The following STK31 variants were observed in gnomAD, a reference collection of about 807,000 sequenced individuals.
The protein encoded by STK31 is serine/threonine kinase 31, also known as serine/threonine-protein kinase 31.
Under a neutral mutation model 129.7 loss-of-function variants are expected in STK31, and 89 were observed. That is an observed-to-expected ratio of 0.69 (90% CI 0.58 to 0.82). The LOEUF is 0.82. STK31 is among the 40% of genes least tolerant of loss of function. The pLI is 0.00. For synonymous variants in STK31, 448 were observed against 395.3 expected, an observed-to-expected ratio of 1.13 and a Z score of -1.58; for missense variants, 1,187 against 1,176.4, an observed-to-expected ratio of 1.01 and a Z score of -0.13.
chr7:23,804,782 C>G (rs1218422043), intron 22 of STK31, among the ~76,000 whole-genome samples: 1 of 152,152 alleles, frequency 6.6e-6, no homozygotes, highest in Non-Finnish European at 1.5e-5. Flanking sequence ...GTAATAGAGT[C>G]CAATCCATTA....
chr7:23,713,476 A>G (rs1786105283), intron 3 of STK31, among the ~76,000 whole-genome samples: 1 of 152,216 alleles, frequency 6.6e-6, no homozygotes, highest in Middle Eastern at 3.4e-3. Flanking sequence ...TTATAAAAAT[A>G]TTTTTCTTCA....
chr7:23,729,468 A>T (rs967359153), intron 6 of STK31, among the ~76,000 whole-genome samples: 1 of 151,404 alleles, frequency 6.6e-6, no homozygotes, highest in Non-Finnish European at 1.5e-5. Flanking sequence ...ATATGTAAAT[A>T]GTTTCCTTCT....
intron 4 of STK31, chr7:23,721,888 G>A (rs559620725): frequency 9.8e-5 from 42 of 428,456 alleles, no homozygotes; most frequent in South Asian, 9.0e-4. Context: ...GCTTGTGCAT[G>A]CGTCACGTAG....
intron 15 of STK31, among the ~76,000 whole-genome samples, chr7:23,779,165 G>A (rs1042442873): frequency 4.6e-5 from 7 of 152,174 alleles, no homozygotes; most frequent in Non-Finnish European, 5.9e-5. Flanking sequence ...TATCACCAGT[G>A]GAGACTGCAG....
At chr7:23,725,360 A>C (rs1051360877) in intron 4 of STK31, among the ~76,000 whole-genome samples, 1,302 of 81,270 alleles carry the variant, frequency 0.016, 18 homozygotes, top group African/African-American at 0.062. Context: ...ACATAGTGAG[A>C]CCCTGTTTCT....
chr7:23,763,148 G>A (rs976819049), intron 11 of STK31, among the ~76,000 whole-genome samples: 1 of 152,108 alleles, frequency 6.6e-6, no homozygotes, highest in East Asian at 1.9e-4. Flanking sequence ...AATGGCTAGG[G>A]ACTCCAGTAT....
intron 22 of STK31, among the ~76,000 whole-genome samples, chr7:23,800,521 A>G (rs1448134364): frequency 2.6e-5 from 4 of 151,794 alleles, no homozygotes; most frequent in Admixed American, 6.6e-5. Context: ...TCATAAGTGA[A>G]CATGTTCTCA....
In STK31 at chr7:23,786,552, A is replaced by G; in HGVS notation, c.2319A>G (p.Arg773=). 6.2e-7 allele frequency: 1 copy of G among 1,613,716 alleles called. No individual in the cohort carries two copies. Among genetic ancestry groups the G allele is most frequent in the Non-Finnish European group, 8.5e-7 (1 of 1,179,778 alleles). ...DVDTEAKVIE[R]AATYHRAWRE... is the part of the protein sequence containing the mutation. ...ACACAGAAGCCAAGGTGATTGAGAG[A>G]GCAGCCACCTACCATAGAGCTTGGA... The change falls in exon 19 of 24, where the codon AGA becomes AGG. Residue 773 remains arginine, a synonymous_variant. Transcript: ENST00000355870.
intron 23 of STK31, among the ~76,000 whole-genome samples, chr7:23,820,686 A>G (rs1279474319): frequency 6.6e-6 from 1 of 152,060 alleles, no homozygotes. Flanking sequence ...CCTCACCCAC[A>G]TTCTCTTAGT....
chr7:23,717,280 T>C (rs1786401244), intron 3 of STK31, among the ~76,000 whole-genome samples: 1 of 151,814 alleles, frequency 6.6e-6, no homozygotes, highest in Non-Finnish European at 1.5e-5. Flanking sequence ...TTTGAACACA[T>C]TGGGAAGTAA....
In STK31 at chr7:23,828,670, C is replaced by T. The variant is rs1031654916; in HGVS notation, c.2830-3466C>T. On this transcript the variant is annotated intron_variant, in intron 23 of 23. Transcript: ENST00000355870. Reference sequence around the variant, plus strand: ...CTCAGTTGGAAATGCAGAAATCACCCGTCTTCTGCGTCGCTCACGCTGGGA... The same window carrying T: ...CTCAGTTGGAAATGCAGAAATCACCTGTCTTCTGCGTCGCTCACGCTGGGA... Among the ~76,000 whole-genome samples, 29 of 152,190 alleles carry T rather than the reference C, an allele frequency of 1.9e-4. 1 individual carries two copies. Among genetic ancestry groups the T allele is most frequent in the Admixed American group, 1.9e-3 (29 of 15,284 alleles).
At position 23,721,250 on chromosome 7, in the gene STK31, C is replaced by T. The variant is rs535839017; in HGVS notation, c.249+3671C>T. On this transcript the variant is annotated intron_variant, in intron 4 of 23. Coordinates refer to ENST00000355870, the MANE Select transcript of STK31 (RefSeq NM_031414.5). ...ATTCTCTCTCTTAACTCCTAACAAA[C>T]GCTACATTTTCAAGACTAAGGGAAT... 2.0e-3 allele frequency: 977 copies of T among 485,626 alleles called. 5 individuals are homozygous for T. The highest frequency in any genetic ancestry group is 2.9e-3 in the Non-Finnish European group (788 of 269,272). 30.1% of individuals were successfully genotyped at this position (485,626 alleles called of 1,614,324 possible). A position where few individuals can be genotyped will look rare whatever the true frequency, so the allele number is the denominator to read the frequency against.
At chr7:23,822,288 T>C (rs1793830542) in intron 23 of STK31, among the ~76,000 whole-genome samples, 1 of 152,190 alleles carries the variant, frequency 6.6e-6, no homozygotes. Context: ...TTTCCATTTG[T>C]TAGTGTCCTT....
At chr7:23,808,970 T>TGTGTGTGTGTGTGTGCGCGCGC (rs60631283) in intron 22 of STK31, among the ~76,000 whole-genome samples, 1 of 139,556 alleles carries the variant, frequency 7.2e-6, no homozygotes, top group Non-Finnish European at 1.6e-5. Context: ...TGTGTGTGTG[T>TGTGTGTGTGTGTGTGCGCGCGC]GCCTGTGTCT....
intron 10 of STK31, among the ~76,000 whole-genome samples, chr7:23,757,588 C>G (rs1407956466): frequency 1.3e-5 from 2 of 152,176 alleles, no homozygotes; most frequent in East Asian, 3.9e-4. Context: ...CAGCATGTCT[C>G]ACCTCCAGCC....
chr7:23,823,441 G>T, intron 23 of STK31, among the ~76,000 whole-genome samples: 1 of 152,098 alleles, frequency 6.6e-6, no homozygotes, highest in Non-Finnish European at 1.5e-5. Flanking sequence ...TTTTGATGGG[G>T]TTGTTTGTTT....
Position 23,786,559 on chromosome 7 carries a change from AC to A in STK31, c.2328del (p.Tyr777ThrfsTer17). 1 of 1,613,804 alleles carries A rather than the reference AC, an allele frequency of 6.2e-7. No individual in the cohort carries two copies. The highest frequency in any genetic ancestry group is 8.5e-7 in the Non-Finnish European group (1 of 1,179,834). On this transcript the variant is annotated frameshift_variant, in exon 19 of 24. Transcript: ENST00000355870. LOFTEE classifies it high-confidence loss of function. ...TEAKVIERAA[T>X]YHRAWREAEG... The stretch of plus-strand genomic sequence containing the variant: ...AGCCAAGGTGATTGAGAGAGCAGCC[AC>A]CTACCATAGAGCTTGGAGAGAAGCT...
Position 23,752,799 on chromosome 7 carries a change from T to C in STK31, c.1100T>C (p.Leu367Pro). The change falls in exon 9 of 24, where the codon CTG becomes CCG. Residue 367 changes from leucine to proline, a missense_variant. Around this residue, in one of 5 missense-constraint regions of STK31, gnomAD observed 975 missense variants for 934.9 expected, o/e 1.04. Transcript: ENST00000355870. The stretch of plus-strand genomic sequence containing the variant: ...TATATAGATACCAGAATGAAAAATC[T>C]GGCAGCTAAGATGGAAATACTGAAA... ...KTYIDTRMKNLAAKMEILKEM... is the reference protein window; with the variant it reads ...KTYIDTRMKNPAAKMEILKEM... 1.2e-6 allele frequency: 2 copies of C among 1,613,154 alleles called. No individual in the cohort carries two copies. Among genetic ancestry groups the C allele is most frequent in the Non-Finnish European group, 1.7e-6 (2 of 1,179,486 alleles).
At chr7:23,785,648 A>G (rs752087512) in intron 18 of STK31, 45 bp downstream of exon 18, 15 of 1,575,794 alleles carry the variant, frequency 9.5e-6, no homozygotes, top group Non-Finnish European at 1.0e-5. Context: ...AGCAGCATAA[A>G]GGATAGTGGT....
Sources: gnomAD v4.1 joint callset for allele counts (sites outside exome capture counted in the v4.1 genomes callset) on GRCh38, gnomAD v4.1.1 for gene constraint, gnomAD v4.1.1 regional missense constraint, MANE v1.5 for transcripts, NCBI Gene and HGNC (gene_info 2026-07-23, HGNC 2026-07-21) for gene names.